Variants in ABCC6 observed in about 807,000 individuals in gnomAD.
ABCC6 encodes the protein ATP-binding cassette sub-family C member 6.
In ABCC6, 126 loss-of-function variants were observed where a neutral mutation model predicts 169.5. The ratio of observed to expected loss-of-function variants is 0.74; its 90% confidence interval spans 0.64 to 0.86. The LOEUF (loss-of-function observed/expected upper bound fraction) is 0.86, where lower values mean the gene tolerates loss of function less well. Ranked by LOEUF, ABCC6 falls within the 40% of genes least tolerant of loss-of-function variation. The pLI is 0.00. For synonymous variants in ABCC6, 752 were observed against 814.7 expected (o/e 0.92, Z 1.31); for missense variants, 1,733 against 1,927.2 (o/e 0.90, Z 1.89).
In ABCC6 at chr16:16,154,667, T is replaced by C; in HGVS notation, c.4169A>G (p.Gln1390Arg). The C allele has an allele frequency of 6.2e-7, 1 of 1,613,048 alleles. No individual in the cohort carries two copies. The highest frequency in any genetic ancestry group is 8.5e-7 in the Non-Finnish European group (1 of 1,179,984). ...LKALVASLPG[Q>R]LQYKCADRGE... ...TCGGTCAGCACACTTGTACTGCAGC[T>C]GGCCGGGCAGGCTGGCCACCAAGGC... The change falls in exon 29 of 31, where the codon CAG (glutamine) becomes CGG (arginine). Residue 1390 changes from glutamine to arginine, a missense_variant. By Grantham distance (43) the Gln-to-Arg change is conservative. Transcript: ENST00000205557.
At chr16:16,183,242 C>T (rs1207309163) in intron 15 of ABCC6, among the ~76,000 whole-genome samples, 1 of 151,440 alleles carries the variant, frequency 6.6e-6, no homozygotes, top group Non-Finnish European at 1.5e-5. Context: ...CATACCCAAT[C>T]AATCCATGCT....
rs751044445 is a variant in ABCC6, at chr16:16,201,992, A to G, written c.1176+9T>C. 3.7e-6 allele frequency: 6 copies of G among 1,613,964 alleles called. No homozygotes were observed. The highest frequency in any genetic ancestry group is 3.3e-4 in the Middle Eastern group (2 of 6,056). On this transcript the variant is annotated intron_variant, in intron 9 of 30. Coordinates refer to ENST00000205557, the MANE Select transcript of ABCC6 (RefSeq NM_001171.6). ...CTGGGAAGACCTGCCCTTGTCCCCC[A>G]GGGCTCACCTTTCTGTACACCAGGC...
chr16:16,170,115 A>C (rs2047014140), intron 21 of ABCC6, among the ~76,000 whole-genome samples: 1 of 137,764 alleles, frequency 7.3e-6, no homozygotes. Flanking sequence ...TTTTGAGGAC[A>C]GGGTCTTGCT....
Position 16,193,115 on chromosome 16 carries a change from C to T in ABCC6, c.1339-193G>A, listed in dbSNP as rs1172770366. 2.0e-5 allele frequency among the ~76,000 whole-genome samples: 3 copies of T among 152,154 alleles called. No homozygotes were observed. The East Asian group carries it at 5.8e-4, about 29-fold the overall frequency. On this transcript the variant is annotated intron_variant, in intron 10 of 30. Coordinates refer to ENST00000205557, the MANE Select transcript of ABCC6 (RefSeq NM_001171.6). ...GGAGGTCGGCACAAGATACAGGTCA[C>T]AAAGACCTTCCTGATAAAACAGGTT...
At chr16:16,208,387 T>A (rs1201863289) in intron 7 of ABCC6, among the ~76,000 whole-genome samples, 1 of 151,826 alleles carries the variant, frequency 6.6e-6, no homozygotes, top group Non-Finnish European at 1.5e-5. Context: ...TTGTTTTTTT[T>A]TTTGATACGG....
At chr16:16,188,557 T>G (rs2047730243) in intron 13 of ABCC6, among the ~76,000 whole-genome samples, 2 of 152,198 alleles carry the variant, frequency 1.3e-5, no homozygotes, top group African/African-American at 4.8e-5. Context: ...GTATGTGGAA[T>G]TGCTGGGCAG....
rs1269818359 is a variant in ABCC6, at chr16:16,187,114, C to T, written c.1867+10G>A. On this transcript the variant is annotated intron_variant, in intron 14 of 30. Coordinates refer to ENST00000205557, the MANE Select transcript of ABCC6 (RefSeq NM_001171.6). ...CCTCCCACACCCCTCCTGCCAGACT[C>T]AGCACTCACCGCTTCCAGAGGAACT... 6.2e-7 allele frequency: 1 copy of T among 1,610,258 alleles called. No individual in the cohort carries two copies. Among genetic ancestry groups the T allele is most frequent in the Non-Finnish European group, 8.5e-7 (1 of 1,177,218 alleles).
intron 27 of ABCC6, among the ~76,000 whole-genome samples, chr16:16,157,069 G>A (rs1029312038): frequency 5.3e-5 from 8 of 151,984 alleles, no homozygotes; most frequent in African/African-American, 1.9e-4. Context: ...AGGGAGGAAA[G>A]GGATTCAGTG....
At chr16:16,215,796 C>T (rs559837736) in intron 4 of ABCC6, among the ~76,000 whole-genome samples, 26 of 151,792 alleles carry the variant, frequency 1.7e-4, no homozygotes, top group African/African-American at 4.1e-4. Flanking sequence ...TTCTGGATGA[C>T]GTGAGATATT....
chr16:16,190,340 G>A lies in ABCC6; in HGVS notation c.1459C>T (p.Arg487Trp), dbSNP rs374244303. ...AGGATAGAGCTGGTGAGCCGTGCCC[G>A]TGAGTCCTTCTGCCTCATTTGCTCC... ...QEEQMRQKDS[R>W]ARLTSSILRN... is the part of the protein sequence containing the mutation. Residue 487 changes from arginine (R) to tryptophan (W), a missense_variant, in exon 12 of 31, where the codon CGG (arginine) becomes TGG (tryptophan). Physicochemically the swap from Arg to Trp is moderately radical, Grantham distance 101. This residue lies in a region of ABCC6 where 1,601 missense variants were observed against 1,635.5 expected (regional missense o/e 0.98). Coordinates refer to ENST00000205557, the MANE Select transcript of ABCC6 (RefSeq NM_001171.6). 12 of 1,614,030 alleles carry A rather than the reference G, an allele frequency of 7.4e-6. No individual in the cohort carries two copies. Among genetic ancestry groups the A allele is most frequent in the African/African-American group, 2.7e-5 (2 of 74,912 alleles).
intron 25 of ABCC6, 59 bp from the exon 26 acceptor site, chr16:16,159,642 G>C: frequency 2.0e-6 from 3 of 1,518,356 alleles, no homozygotes; most frequent in Non-Finnish European, 2.7e-6. Context: ...GCTTGCAACA[G>C]CCCCCCTGGT....
At chr16:16,207,013 G>A (rs1362086008) in intron 7 of ABCC6, among the ~76,000 whole-genome samples, 4 of 152,182 alleles carry the variant, frequency 2.6e-5, no homozygotes, top group Non-Finnish European at 5.9e-5. Flanking sequence ...GGTGGCACAC[G>A]CCTGTGGTCC....
chr16:16,160,412 A>G (rs1247785541), intron 25 of ABCC6, among the ~76,000 whole-genome samples: 1 of 152,010 alleles, frequency 6.6e-6, no homozygotes, highest in Non-Finnish European at 1.5e-5. Context: ...CTAAGCAGGA[A>G]GATTGTTTGA....
At chr16:16,213,514 T>G (rs1175511852) in intron 5 of ABCC6, among the ~76,000 whole-genome samples, 2 of 152,010 alleles carry the variant, frequency 1.3e-5, no homozygotes, top group Non-Finnish European at 1.5e-5. Context: ...CTCATGAGCT[T>G]CTTCTATGGA....
At chr16:16,201,362 G>A (rs531847444) in intron 9 of ABCC6, among the ~76,000 whole-genome samples, 1 of 152,364 alleles carries the variant, frequency 6.6e-6, no homozygotes, top group African/African-American at 2.4e-5. Flanking sequence ...GGGGGAATGA[G>A]TGGAAGTTAA....
intron 26 of ABCC6, 50 bp downstream of exon 26, chr16:16,159,432 C>A: frequency 6.5e-7 from 1 of 1,540,212 alleles, no homozygotes; most frequent in South Asian, 1.1e-5. Context: ...CATTGCCCCC[C>A]CCCACAATAT....
In ABCC6 at chr16:16,178,898, G is replaced by A. The variant is rs1392101223; in HGVS notation, c.2315C>T (p.Ala772Val). ...CAGGGGGTCATCCAGCAGGTACACA[G>A]CTGCCTTTCTGTATACAGCCCGGGC... ...SLARAVYRKAAVYLLDDPLAA... is the reference protein window; with the variant it reads ...SLARAVYRKAVVYLLDDPLAA... The change falls in exon 18 of 31, where the codon GCT becomes GTT. Residue 772 changes from alanine (A) to valine (V), a missense_variant. Ala to Val is a moderately conservative substitution (Grantham distance 64). Coordinates refer to ENST00000205557, the MANE Select transcript of ABCC6 (RefSeq NM_001171.6). 3 of 1,613,866 alleles carry A rather than the reference G, an allele frequency of 1.9e-6. No homozygotes were observed. The South Asian group carries it at 3.3e-5, about 18-fold the overall frequency.
intron 5 of ABCC6, among the ~76,000 whole-genome samples, chr16:16,212,558 T>C (rs2048672018): frequency 6.6e-6 from 1 of 151,002 alleles, no homozygotes; most frequent in South Asian, 2.1e-4. Context: ...GATCTGCCTA[T>C]CTCGGCCTCC....
intron 4 of ABCC6, among the ~76,000 whole-genome samples, chr16:16,215,644 T>G (rs1166715445): frequency 6.6e-6 from 1 of 151,400 alleles, no homozygotes; most frequent in East Asian, 2.0e-4. Flanking sequence ...TGGCTAATTT[T>G]TGTATTTTTA....
Sources: allele counts gnomAD v4.1 joint callset (sites outside exome capture counted in the v4.1 genomes callset), GRCh38; gene constraint gnomAD v4.1.1; regional missense constraint gnomAD v4.1.1; transcripts MANE v1.5; gene names NCBI Gene and HGNC (gene_info 2026-07-23, HGNC 2026-07-21).